Variants in OTUD7B observed in about 807,000 individuals in gnomAD.
OTUD7B encodes OTU domain-containing protein 7B.
A neutral mutation model predicts 82.2 loss-of-function variants in OTUD7B; 34 were observed. The observed-to-expected ratio is 0.41, with a 90% CI of 0.31 to 0.55. OTUD7B has a LOEUF of 0.55. Ranked by LOEUF, OTUD7B falls within the 20% of genes least tolerant of loss-of-function variation. OTUD7B has a pLI of 0.20. For synonymous variants in OTUD7B, 398 were observed against 402.7 expected, an observed-to-expected ratio of 0.99 and a Z score of 0.14; for missense variants, 944 against 1,062.1, an observed-to-expected ratio of 0.89 and a Z score of 1.55.
At chr1:150,014,859 G>A (rs1168628446), upstream of OTUD7B, among the ~76,000 whole-genome samples, 1 of 152,034 alleles carries the variant, frequency 6.6e-6, no homozygotes, top group Non-Finnish European at 1.5e-5. Flanking sequence ...GATAAGGATG[G>A]CTGTTACACA....
intron 1 of OTUD7B, among the ~76,000 whole-genome samples, chr1:149,989,523 G>A (rs1384332408): frequency 1.3e-5 from 2 of 149,096 alleles, no homozygotes; most frequent in Non-Finnish European, 3.0e-5. Flanking sequence ...AGGTGCAGTG[G>A]CACACACCTG....
At chr1:150,036,158 T>C in the OTUD7B span, among the ~76,000 whole-genome samples, 10 of 152,086 alleles carry the variant, frequency 6.6e-5, no homozygotes, top group Non-Finnish European at 1.3e-4. Flanking sequence ...ATTGCCATGT[T>C]GCCCAGGCTG....
chr1:150,006,336 A>C (rs1382520483), intron 1 of OTUD7B, among the ~76,000 whole-genome samples: 1 of 152,102 alleles, frequency 6.6e-6, no homozygotes, highest in Non-Finnish European at 1.5e-5. Flanking sequence ...GGGCGCCTGT[A>C]GTCCCAGCTA....
intron 7 of OTUD7B, among the ~76,000 whole-genome samples, chr1:149,950,765 A>C (rs1436515094): frequency 6.7e-6 from 1 of 148,464 alleles, no homozygotes; most frequent in Non-Finnish European, 1.5e-5. Context: ...TGATTTAACC[A>C]ATTCCATCTC....
In OTUD7B at chr1:149,959,844, C is replaced by T. The variant is rs782666659; in HGVS notation, c.733-48G>A. On this transcript the variant is annotated intron_variant, in intron 6 of 11. Transcript: ENST00000581312. ...ACATTGGGCAATTAGAGGCTGGGTT[C>T]TAAGAGGCAATACCTATTCCACCTT... The T allele has an allele frequency of 1.1e-5, 13 of 1,219,422 alleles. No individual in the cohort carries two copies. In the South Asian group the frequency reaches 1.6e-4, roughly 15 times the overall value. 75.5% of individuals were successfully genotyped at this position (1,219,422 alleles called of 1,614,324 possible).
At chr1:149,976,009 AGACTCT>A (rs762908264) in intron 2 of OTUD7B, among the ~76,000 whole-genome samples, 28 of 118,424 alleles carry the variant, frequency 2.4e-4, no homozygotes, top group Non-Finnish European at 4.9e-4. Flanking sequence ...CGACAGAGTG[AGACTCT>A]GTCTCAAAAA....
intron 1 of OTUD7B, among the ~76,000 whole-genome samples, chr1:149,981,014 CAAAAAAAAAAAAAAAAAAA>C: frequency 1.7e-5 from 1 of 57,720 alleles, no homozygotes; most frequent in Admixed American, 2.3e-4. Context: ...GACCCTGTTT[CAAAAAAAAAAAAAAAAAAA>C]AAAAAAAGCA....
chr1:150,063,320 G>A, the OTUD7B span, among the ~76,000 whole-genome samples: 3,287 of 152,118 alleles, frequency 0.022, 98 homozygotes, highest in African/African-American at 0.074. Context: ...GTTTGGTGGC[G>A]GGCACCTGTA....
chr1:150,011,795 C>A (rs781905064), upstream of OTUD7B, among the ~76,000 whole-genome samples: 2 of 152,212 alleles, frequency 1.3e-5, no homozygotes, highest in Non-Finnish European at 2.9e-5. Flanking sequence ...CCTAATTGTG[C>A]CCATTATGCC....
chr1:150,036,365 T>A, the OTUD7B span, among the ~76,000 whole-genome samples: 1 of 151,504 alleles, frequency 6.6e-6, no homozygotes, highest in Non-Finnish European at 1.5e-5. Context: ...GCTCAAGTGA[T>A]CCTCCTGCCT....
the OTUD7B span, among the ~76,000 whole-genome samples, chr1:150,037,716 C>T: frequency 1.3e-5 from 2 of 151,738 alleles, no homozygotes; most frequent in African/African-American, 2.4e-5. Context: ...CAGCCTCCCG[C>T]GTAGTTGGGA....
Position 149,940,080 on chromosome 1 carries a change from G to C in OTUD7B, c.*3777C>G, listed in dbSNP as rs1304095071. 6.6e-6 allele frequency: 1 copy of C among 152,180 alleles called. No homozygotes were observed. The highest frequency in any genetic ancestry group is 2.4e-5 in the African/African-American group (1 of 41,438). The allele number at this position is 152,180 out of a possible 1,614,324, so 9.4% of individuals were successfully genotyped here. On this transcript the variant is annotated 3_prime_UTR_variant, in exon 12 of 12. Transcript: ENST00000581312. ...AACCTTGGACACATGGCTAAAAGGA[G>C]TTAAGAATGGCAAAAGCTAGGTTCT...
intron 1 of OTUD7B, among the ~76,000 whole-genome samples, chr1:149,988,376 T>A (rs1313915656): frequency 1.3e-5 from 2 of 152,186 alleles, no homozygotes; most frequent in Non-Finnish European, 2.9e-5. Context: ...TTTCAAGAAT[T>A]TCTAGTTTTG....
intron 1 of OTUD7B, among the ~76,000 whole-genome samples, chr1:149,983,134 C>T (rs587669207): frequency 1.6e-4 from 24 of 152,274 alleles, no homozygotes; most frequent in Admixed American, 1.6e-3. Flanking sequence ...GGATTACAGG[C>T]GTGAGCCACT....
chr1:150,037,187 C>T, the OTUD7B span, among the ~76,000 whole-genome samples: 1 of 151,574 alleles, frequency 6.6e-6, no homozygotes, highest in South Asian at 2.1e-4. Context: ...CCTAAGAAAG[C>T]ATGCTGGCTG....
intron 1 of OTUD7B, among the ~76,000 whole-genome samples, chr1:149,991,788 C>T (rs1230850023): frequency 6.6e-6 from 1 of 152,208 alleles, no homozygotes; most frequent in African/African-American, 2.4e-5. Flanking sequence ...ATGGGATCTA[C>T]TTTGTGGATT....
At chr1:149,964,754 A>T (rs1649408587) in intron 5 of OTUD7B, among the ~76,000 whole-genome samples, 1 of 148,690 alleles carries the variant, frequency 6.7e-6, no homozygotes, top group African/African-American at 2.5e-5. Context: ...CCACCATATC[A>T]GGCTAATTTT....
chr1:149,968,109 C>A (rs868955632), intron 3 of OTUD7B, among the ~76,000 whole-genome samples: 6 of 151,742 alleles, frequency 4.0e-5, no homozygotes, highest in Non-Finnish European at 8.8e-5. Flanking sequence ...ACTAAAAATA[C>A]AAAAATTAGC....
rs1647430936 is a variant in OTUD7B at position 149,943,669 on chromosome 1, G to A, written c.*188C>T. On this transcript the variant is annotated 3_prime_UTR_variant, in exon 12 of 12. Coordinates refer to ENST00000581312, the MANE Select transcript of OTUD7B (RefSeq NM_020205.4). ...AGAGGAATAGTACAGCCCCTGAGGT[G>A]CCATCCAGCCCCGACCTGCTCTTGC... 2 of 625,480 alleles carry A rather than the reference G, an allele frequency of 3.2e-6. No individual in the cohort carries two copies. Among genetic ancestry groups the A allele is most frequent in the Non-Finnish European group, 5.7e-6 (2 of 353,578 alleles). 38.7% of individuals were successfully genotyped at this position (625,480 alleles called of 1,614,324 possible).
Sources: allele counts gnomAD v4.1 joint callset (sites outside exome capture counted in the v4.1 genomes callset), GRCh38; gene constraint gnomAD v4.1.1; transcripts MANE v1.5; gene names NCBI Gene and HGNC (gene_info 2026-07-23, HGNC 2026-07-21).